THSD7B: variants seen among roughly 807,000 people sequenced by gnomAD.
THSD7B encodes the protein thrombospondin type-1 domain-containing protein 7B.
In THSD7B, 138 loss-of-function variants were observed where a neutral mutation model predicts 213.6. The observed-to-expected ratio is 0.65, with a 90% CI of 0.56 to 0.74. The LOEUF (loss-of-function observed/expected upper bound fraction) is 0.74. Ranked by LOEUF, THSD7B falls within the 30% of genes least tolerant of loss-of-function variation. The probability of loss-of-function intolerance (pLI) is 0.00; values close to 1 mark genes in which losing one functional copy is unlikely to be tolerated. For missense variants in THSD7B, 1,931 were observed against 1,991.5 expected (o/e 0.97, Z 0.58); for synonymous variants, 742 against 687.0 (o/e 1.08, Z -1.25).
intron 2 of THSD7B, among the ~76,000 whole-genome samples, chr2:137,043,983 C>T (rs752184849): frequency 3.3e-5 from 5 of 152,188 alleles, no homozygotes; most frequent in Non-Finnish European, 7.3e-5. Context: ...ACAATAATCT[C>T]ACTCCACGCT....
At chr2:137,343,968 A>G (rs1220843384) in intron 12 of THSD7B, among the ~76,000 whole-genome samples, 1 of 151,734 alleles carries the variant, frequency 6.6e-6, no homozygotes, top group African/African-American at 2.4e-5. Context: ...AATGGCCTAA[A>G]AAAATAACAT....
chr2:136,867,047 A>T (rs138795482), intron 1 of THSD7B, among the ~76,000 whole-genome samples: 14 of 152,046 alleles, frequency 9.2e-5, no homozygotes, highest in African/African-American at 3.4e-4. Flanking sequence ...TTCAACATCT[A>T]CTGTCACCCA....
At chr2:136,959,909 C>T (rs1573734865) in intron 2 of THSD7B, among the ~76,000 whole-genome samples, 1 of 152,318 alleles carries the variant, frequency 6.6e-6, no homozygotes, top group South Asian at 2.1e-4. Context: ...AGGACCAGGA[C>T]ACTTGACTGG....
chr2:137,087,830 G>A (rs949175545), intron 3 of THSD7B, among the ~76,000 whole-genome samples: 3 of 152,136 alleles, frequency 2.0e-5, no homozygotes, highest in East Asian at 3.9e-4. Flanking sequence ...CCAAAAGAGA[G>A]CCTGCATAGC....
rs1231449539 is a variant in THSD7B at position 136,776,068 on chromosome 2, C to T, written c.-36+10381C>T. The stretch of plus-strand genomic sequence containing the variant: ...GTGCACAATGATATCCAAGAACTGG[C>T]CATGCTCTTAAGGAATTTTCACAGA... On this transcript the variant is annotated intron_variant, in intron 1 of 27. Transcript: ENST00000409968. Among the ~76,000 whole-genome samples the T allele has an allele frequency of 2.0e-5, 3 of 152,062 alleles. No homozygotes were observed. The East Asian group carries it at 5.8e-4, about 29-fold the overall frequency.
chr2:137,310,761 A>T (rs998174473), intron 12 of THSD7B, among the ~76,000 whole-genome samples: 1 of 151,852 alleles, frequency 6.6e-6, no homozygotes, highest in Non-Finnish European at 1.5e-5. Context: ...TTAAATAGGG[A>T]ATCCTTTCCC....
In THSD7B at chr2:137,433,621, C is replaced by T. The variant is rs370540089; in HGVS notation, c.2960-17224C>T. Reference sequence around the variant, plus strand: ...CACTCTCCTTGGCCTGTGAAAGTGCCGGGATTACAGGCATGAGCCTCCGTG... The same window carrying T: ...CACTCTCCTTGGCCTGTGAAAGTGCTGGGATTACAGGCATGAGCCTCCGTG... On this transcript the variant is annotated intron_variant, in intron 14 of 27. Transcript: ENST00000409968. 8.1e-4 allele frequency among the ~76,000 whole-genome samples: 123 copies of T among 152,020 alleles called. 3 individuals carry two copies. In the South Asian group the frequency reaches 0.024, roughly 30 times the overall value.
At chr2:137,094,783 C>CAG in intron 3 of THSD7B, 90 bp from the exon 4 acceptor site, 1 of 1,474,410 alleles carries the variant, frequency 6.8e-7, no homozygotes, top group Non-Finnish European at 9.1e-7. Flanking sequence ...AATCAAATTT[C>CAG]AGAGTTTTTT....
chr2:137,246,665 C>T (rs562031771), intron 10 of THSD7B, among the ~76,000 whole-genome samples: 1 of 152,284 alleles, frequency 6.6e-6, no homozygotes, highest in African/African-American at 2.4e-5. Flanking sequence ...TCATATTTTT[C>T]TAAGCAAACC....
chr2:137,027,734 T>C (rs141248009), intron 2 of THSD7B, among the ~76,000 whole-genome samples: 278 of 152,306 alleles, frequency 1.8e-3, no homozygotes, highest in African/African-American at 6.5e-3. Context: ...ACTGGTATAT[T>C]CTCAGGGCAC....
In THSD7B at chr2:137,159,151, G is replaced by T. The variant is rs553532471; in HGVS notation, c.1370-1062G>T. Among the ~76,000 whole-genome samples, 3 of 152,164 alleles carry T rather than the reference G, an allele frequency of 2.0e-5. No homozygotes were observed. In the East Asian group the frequency reaches 5.8e-4, roughly 29 times the overall value. ...GGTGCCTAGAAAGAGTCTCCTGGCG[G>T]CCAGGCATGGTGGCTCACGTGTGTA... On this transcript the variant is annotated intron_variant, in intron 5 of 27. Transcript: ENST00000409968.
intron 17 of THSD7B, among the ~76,000 whole-genome samples, chr2:137,609,391 G>C (rs564637019): frequency 1.3e-5 from 2 of 152,338 alleles, no homozygotes; most frequent in Middle Eastern, 3.4e-3. Flanking sequence ...CTTTCTAATA[G>C]AGAAGGCTTT....
chr2:137,216,774 GAA>G (rs1401033230), intron 7 of THSD7B, among the ~76,000 whole-genome samples: 7 of 152,158 alleles, frequency 4.6e-5, no homozygotes, highest in Non-Finnish European at 1.0e-4. Flanking sequence ...CCACAAACTT[GAA>G]TAAGTCACAT....
intron 1 of THSD7B, among the ~76,000 whole-genome samples, chr2:136,795,880 A>G (rs1418655441): frequency 6.6e-6 from 1 of 151,920 alleles, no homozygotes; most frequent in Non-Finnish European, 1.5e-5. Context: ...TTTATCTTGA[A>G]TTAGTTTTAT....
At chr2:137,139,799 T>C (rs1044962744) in intron 5 of THSD7B, among the ~76,000 whole-genome samples, 1 of 152,174 alleles carries the variant, frequency 6.6e-6, no homozygotes, top group African/African-American at 2.4e-5. Context: ...GTTGGCAATT[T>C]ATTCCTTTGG....
chr2:137,078,581 A>G lies in THSD7B; in HGVS notation c.951-16292A>G, dbSNP rs570735949. Among the ~76,000 whole-genome samples, 6 of 152,096 alleles carry G rather than the reference A, an allele frequency of 3.9e-5. No homozygotes were observed. In the South Asian group the frequency reaches 8.3e-4, roughly 21 times the overall value. ...TTATGGTTTGTTAATTTTGTCTACT[A>G]TTTTTATATTCTTTACCTCATTAAT... On this transcript the variant is annotated intron_variant, in intron 3 of 27. Transcript: ENST00000409968.
intron 2 of THSD7B, among the ~76,000 whole-genome samples, chr2:136,956,824 C>T (rs751044289): frequency 1.3e-4 from 19 of 151,936 alleles, no homozygotes; most frequent in South Asian, 1.0e-3. Flanking sequence ...GGATTATAGG[C>T]GCAAACCACC....
chr2:136,915,059 G>A (rs1453415050), intron 2 of THSD7B, among the ~76,000 whole-genome samples: 1 of 152,124 alleles, frequency 6.6e-6, no homozygotes, highest in Admixed American at 6.5e-5. Context: ...CATGCCTTCT[G>A]GGTTATCTTC....
intron 15 of THSD7B, 24 bp downstream of exon 15, chr2:137,451,047 A>T (rs371534659): frequency 6.7e-7 from 1 of 1,502,436 alleles, no homozygotes; most frequent in Non-Finnish European, 8.9e-7. Context: ...AGCAACAAAT[A>T]AAAAGCTAAA....
Sources: allele counts gnomAD v4.1 joint callset (sites outside exome capture counted in the v4.1 genomes callset), GRCh38; gene constraint gnomAD v4.1.1; transcripts MANE v1.5; gene names NCBI Gene and HGNC (gene_info 2026-07-23, HGNC 2026-07-21).